The following U2SURP variants were observed in gnomAD, a reference collection of about 807,000 sequenced individuals.
U2SURP encodes U2 snRNP associated SURP domain containing, also known as U2 snRNP-associated SURP motif-containing protein.
A neutral mutation model predicts 144.9 loss-of-function variants in U2SURP; 9 were observed. The observed-to-expected ratio is 0.06, with a 90% CI of 0.04 to 0.11. U2SURP has a LOEUF of 0.11. Ranked by LOEUF, U2SURP falls within the 10% of genes least tolerant of loss-of-function variation. U2SURP has a pLI of 1.00. For missense variants in U2SURP, 724 were observed against 1,226.7 expected (o/e 0.59, Z 6.12); for synonymous variants, 408 against 396.8 (o/e 1.03, Z -0.33).
chr3:143,020,465 T>C (rs1022334737), intron 7 of U2SURP, 134 bp from the exon 8 acceptor site: 12 of 644,966 alleles, frequency 1.9e-5, no homozygotes, highest in Non-Finnish European at 3.2e-5. Flanking sequence ...GACCCTCTAA[T>C]CTTGGTTATC....
At chr3:143,004,370 T>G (rs1389465825) in intron 1 of U2SURP, among the ~76,000 whole-genome samples, 13 of 143,216 alleles carry the variant, frequency 9.1e-5, no homozygotes, top group Admixed American at 7.7e-4. Flanking sequence ...TTTTTTTTTT[T>G]TTTTTTTTTT....
At chr3:143,019,189 C>G (rs1578126343) in intron 6 of U2SURP, among the ~76,000 whole-genome samples, 3 of 152,144 alleles carry the variant, frequency 2.0e-5, no homozygotes, top group Admixed American at 2.0e-4. Flanking sequence ...AGTCAAGGTT[C>G]TTATCAGCTA....
At chr3:143,049,686 T>C (rs926391270) in intron 24 of U2SURP, among the ~76,000 whole-genome samples, 9 of 152,244 alleles carry the variant, frequency 5.9e-5, no homozygotes, top group African/African-American at 2.2e-4. Flanking sequence ...TAAGCTCCTT[T>C]AAGCCTTAGG....
chr3:143,046,798 A>C (rs1934490833), intron 24 of U2SURP, among the ~76,000 whole-genome samples: 1 of 127,760 alleles, frequency 7.8e-6, no homozygotes, highest in Admixed American at 7.5e-5. Flanking sequence ...CAAAACCGCC[A>C]TTGTCATCAT....
intron 4 of U2SURP, among the ~76,000 whole-genome samples, 189 bp downstream of exon 4, chr3:143,014,598 G>C (rs1042120853): frequency 1.3e-5 from 2 of 151,684 alleles, no homozygotes; most frequent in African/African-American, 4.8e-5. Context: ...CCCTCACCCT[G>C]TTTCTTTTTT....
intron 4 of U2SURP, among the ~76,000 whole-genome samples, chr3:143,015,293 A>G (rs1236985919): frequency 2.6e-5 from 4 of 152,112 alleles, no homozygotes; most frequent in Non-Finnish European, 4.4e-5. Flanking sequence ...TATAAGTTAT[A>G]TTAACACTTT....
chr3:143,059,102 A>C lies in U2SURP; in HGVS notation c.*2652A>C, dbSNP rs1935274004. On this transcript the variant is annotated 3_prime_UTR_variant, in exon 28 of 28. Coordinates refer to ENST00000473835, the MANE Select transcript of U2SURP (RefSeq NM_001080415.2). Reference sequence around the variant, plus strand: ...TGATGGAAAATGATCACGTCTCTGAATTTTTTCTTTAACGTTATAGTTCCT... The same window carrying C: ...TGATGGAAAATGATCACGTCTCTGACTTTTTTCTTTAACGTTATAGTTCCT... 1 of 152,318 alleles carries C rather than the reference A, an allele frequency of 6.6e-6. No homozygotes were observed. Among genetic ancestry groups the C allele is most frequent in the Non-Finnish European group, 1.5e-5 (1 of 67,830 alleles). 9.4% of individuals were successfully genotyped at this position (152,318 alleles called of 1,614,324 possible).
intron 24 of U2SURP, among the ~76,000 whole-genome samples, chr3:143,046,934 G>A (rs1327923845): frequency 1.1e-5 from 1 of 91,062 alleles, no homozygotes; most frequent in African/African-American, 5.0e-5. Context: ...CGGGGCGGCT[G>A]GCCGGGCAGG....
chr3:143,010,667 A>G (rs758766666), intron 1 of U2SURP, 148 bp from the exon 2 acceptor site: 2 of 486,584 alleles, frequency 4.1e-6, no homozygotes, highest in Admixed American at 3.8e-5. Flanking sequence ...CAATCTTTTC[A>G]TAAGTCAGAG....
intron 26 of U2SURP, 69 bp downstream of exon 26, chr3:143,053,863 T>A: frequency 8.0e-7 from 1 of 1,246,408 alleles, no homozygotes; most frequent in East Asian, 2.5e-5. Flanking sequence ...TATAATACTT[T>A]CATCATTGAT....
intron 16 of U2SURP, among the ~76,000 whole-genome samples, chr3:143,030,402 T>C (rs1248447062): frequency 6.6e-6 from 1 of 152,226 alleles, no homozygotes; most frequent in African/African-American, 2.4e-5. Context: ...CAACAAAGCC[T>C]GGATGACAGC....
chr3:143,025,874 C>T (rs1359789744), intron 13 of U2SURP: 2 of 151,826 alleles, frequency 1.3e-5, no homozygotes, highest in Admixed American at 6.6e-5. Context: ...TTATAGTCAC[C>T]TTGAGATAGA....
chr3:143,029,653 A>G (rs1933365278), intron 16 of U2SURP, among the ~76,000 whole-genome samples: 1 of 152,234 alleles, frequency 6.6e-6, no homozygotes, highest in Non-Finnish European at 1.5e-5. Context: ...GGTGAAAGGA[A>G]GAGTCTCACT....
intron 1 of U2SURP, among the ~76,000 whole-genome samples, chr3:143,003,702 G>A (rs1306135221): frequency 2.6e-5 from 1 of 38,998 alleles, no homozygotes; most frequent in African/African-American, 7.6e-5. Flanking sequence ...TTTTTTTTTT[G>A]TGAAAGAGTT....
intron 23 of U2SURP, among the ~76,000 whole-genome samples, chr3:143,039,613 T>G (rs1235508990): frequency 6.6e-6 from 1 of 151,180 alleles, no homozygotes; most frequent in African/African-American, 2.4e-5. Context: ...TTTTTTTTTT[T>G]TTTTTTTAAA....
intron 1 of U2SURP, among the ~76,000 whole-genome samples, chr3:143,009,774 G>A (rs1483949755): frequency 6.6e-6 from 1 of 152,100 alleles, no homozygotes; most frequent in Non-Finnish European, 1.5e-5. Context: ...TCTGGACAAT[G>A]TAAATAAAAC....
intron 1 of U2SURP, among the ~76,000 whole-genome samples, chr3:143,006,209 CTTTA>C (rs972408779): frequency 1.9e-4 from 29 of 152,160 alleles, no homozygotes; most frequent in African/African-American, 5.5e-4. Flanking sequence ...TGTTATTTAA[CTTTA>C]TTTATATAGT....
chr3:143,003,606 T>C (rs1455798326), intron 1 of U2SURP, among the ~76,000 whole-genome samples: 1 of 151,958 alleles, frequency 6.6e-6, no homozygotes, highest in Non-Finnish European at 1.5e-5. Flanking sequence ...ATTTTAATCC[T>C]GTGATTTGGA....
rs1408431104 is a variant in U2SURP at position 143,046,519 on chromosome 3, ACT to A, written c.2544+3246_2544+3247del. The stretch of plus-strand genomic sequence containing the variant: ...TACTTGAGATTAGGGAGTGGTGATG[ACT>A]CTTAACGAGCATGCTGCCTTCAAGC... On this transcript the variant is annotated intron_variant, in intron 24 of 27. Coordinates refer to ENST00000473835, the MANE Select transcript of U2SURP (RefSeq NM_001080415.2). 2.1e-3 allele frequency among the ~76,000 whole-genome samples: 224 copies of A among 108,338 alleles called. 3 individuals are homozygous for A. The highest frequency in any genetic ancestry group is 8.7e-3 in the African/African-American group (211 of 24,334). The allele number at this position is 108,338 out of a possible 152,430, so 71.1% of individuals were successfully genotyped here.
Sources: allele counts gnomAD v4.1 joint callset (sites outside exome capture counted in the v4.1 genomes callset), GRCh38; gene constraint gnomAD v4.1.1; transcripts MANE v1.5; gene names NCBI Gene and HGNC (gene_info 2026-07-23, HGNC 2026-07-21).